The following CTNNA2 variants were observed in gnomAD, a reference collection of about 807,000 sequenced individuals.
The protein encoded by CTNNA2 is catenin alpha-2.
CTNNA2 carries 42 observed loss-of-function variants against 101.0 expected under a neutral mutation model. The ratio of observed to expected loss-of-function variants is 0.42; its 90% CI spans 0.32 to 0.54. The LOEUF (loss-of-function observed/expected upper bound fraction) is 0.54. CTNNA2 is among the 20% of genes least tolerant of loss of function. The probability of loss-of-function intolerance (pLI) is 0.14; values close to 1 mark genes in which losing one functional copy is unlikely to be tolerated. For synonymous variants in CTNNA2, 450 were observed against 456.4 expected, an observed-to-expected ratio of 0.99 and a Z score of 0.18; for missense variants, 871 against 1,223.1, an observed-to-expected ratio of 0.71 and a Z score of 4.29.
At chr2:80,604,261 C>G in intron 16 of CTNNA2, 82 bp downstream of exon 16, 1 of 989,096 alleles carries the variant, frequency 1.0e-6, no homozygotes. Flanking sequence ...TTTATGCACC[C>G]TATAAAATGC....
intron 7 of CTNNA2, among the ~76,000 whole-genome samples, chr2:80,239,942 A>T (rs921413954): frequency 2.0e-5 from 3 of 152,128 alleles, no homozygotes; most frequent in African/African-American, 7.2e-5. Flanking sequence ...AAAACAAAAC[A>T]AAACAAAGTC....
intron 2 of CTNNA2, among the ~76,000 whole-genome samples, chr2:79,267,564 C>T (rs995279188): frequency 3.9e-5 from 6 of 152,086 alleles, no homozygotes; most frequent in Non-Finnish European, 7.4e-5. Context: ...AACATTCAGA[C>T]CATAGTAGAT....
At chr2:79,880,866 G>T (rs975887100) in intron 6 of CTNNA2, among the ~76,000 whole-genome samples, 2 of 151,850 alleles carry the variant, frequency 1.3e-5, no homozygotes, top group African/African-American at 4.8e-5. Context: ...GCTAGCTATT[G>T]GATTAGTTTG....
chr2:79,963,472 T>A (rs1463699726), intron 7 of CTNNA2, among the ~76,000 whole-genome samples: 3 of 152,202 alleles, frequency 2.0e-5, no homozygotes, highest in African/African-American at 7.2e-5. Context: ...GAGAGCTTTC[T>A]TTCTGAAACC....
intron 3 of CTNNA2, among the ~76,000 whole-genome samples, chr2:79,835,272 A>G (rs1679236215): frequency 6.6e-6 from 1 of 152,174 alleles, no homozygotes; most frequent in South Asian, 2.1e-4. Context: ...AAACTTTTGT[A>G]TACTGAGTCC....
At chr2:79,836,304 C>A (rs1679361333) in intron 3 of CTNNA2, among the ~76,000 whole-genome samples, 1 of 152,154 alleles carries the variant, frequency 6.6e-6, no homozygotes, top group Non-Finnish European at 1.5e-5. Flanking sequence ...GATGACTAAA[C>A]TTTTACTTTG....
chr2:80,064,259 G>T (rs574377268), intron 7 of CTNNA2, among the ~76,000 whole-genome samples: 2 of 152,274 alleles, frequency 1.3e-5, no homozygotes, highest in Admixed American at 6.5e-5. Context: ...TGTTCAAAAT[G>T]ATGGATTCCT....
intron 8 of CTNNA2, among the ~76,000 whole-genome samples, chr2:80,412,420 C>T (rs551604112): frequency 6.6e-6 from 1 of 152,302 alleles, no homozygotes; most frequent in Non-Finnish European, 1.5e-5. Flanking sequence ...TTCTTACACA[C>T]AGCCCATGGC....
chr2:79,993,035 C>A (rs1047186386), intron 7 of CTNNA2, among the ~76,000 whole-genome samples: 1 of 152,100 alleles, frequency 6.6e-6, no homozygotes, highest in African/African-American at 2.4e-5. Flanking sequence ...TCCCCATCTA[C>A]CAAGAACCAT....
At chr2:79,866,794 C>A (rs1682137906) in intron 4 of CTNNA2, among the ~76,000 whole-genome samples, 1 of 152,104 alleles carries the variant, frequency 6.6e-6, no homozygotes, top group Non-Finnish European at 1.5e-5. Context: ...TATGATTTTG[C>A]TAATATGTAT....
chr2:80,218,964 TA>T (rs1035177601), intron 7 of CTNNA2, among the ~76,000 whole-genome samples: 2 of 152,192 alleles, frequency 1.3e-5, no homozygotes, highest in African/African-American at 4.8e-5. Flanking sequence ...TAATGTTATG[TA>T]GAATCACATG....
intron 18 of CTNNA2, among the ~76,000 whole-genome samples, chr2:80,633,246 GTA>G (rs1396109797): frequency 2.0e-5 from 3 of 152,104 alleles, no homozygotes; most frequent in African/African-American, 7.2e-5. Flanking sequence ...TAAATAAGTG[GTA>G]TATAACGTTT....
chr2:80,434,337 G>T (rs1377138897), intron 9 of CTNNA2, among the ~76,000 whole-genome samples: 1 of 152,148 alleles, frequency 6.6e-6, no homozygotes, highest in Non-Finnish European at 1.5e-5. Context: ...TAATTTTGCA[G>T]AAACTTAATG....
chr2:80,555,070 T>C (rs1692904474), intron 11 of CTNNA2, among the ~76,000 whole-genome samples: 1 of 152,210 alleles, frequency 6.6e-6, no homozygotes. Context: ...TGTATTTTAA[T>C]TGTGGGAAAC....
At chr2:79,609,952 G>A (rs546535404) in intron 1 of CTNNA2, among the ~76,000 whole-genome samples, 34 of 152,012 alleles carry the variant, frequency 2.2e-4, no homozygotes, top group African/African-American at 5.5e-4. Context: ...AAAATCTTTC[G>A]TTTTTTTGAA....
At chr2:79,576,020 A>G (rs945460104) in intron 1 of CTNNA2, among the ~76,000 whole-genome samples, 1 of 152,174 alleles carries the variant, frequency 6.6e-6, no homozygotes, top group Non-Finnish European at 1.5e-5. Flanking sequence ...AGGTATCTGG[A>G]CTATTTCACC....
intron 4 of CTNNA2, among the ~76,000 whole-genome samples, chr2:79,496,881 G>A (rs1251330280): frequency 6.6e-6 from 1 of 152,050 alleles, no homozygotes. Context: ...TAAAACTGTA[G>A]GAACTGCTGA....
At chr2:80,346,881 A>T (rs937371805) in intron 7 of CTNNA2, among the ~76,000 whole-genome samples, 9 of 152,208 alleles carry the variant, frequency 5.9e-5, no homozygotes, top group African/African-American at 2.2e-4. Context: ...AAAATGGCAC[A>T]TTTGTTGCTG....
intron 2 of CTNNA2, among the ~76,000 whole-genome samples, chr2:79,660,991 G>T (rs1384124237): frequency 2.6e-5 from 4 of 152,166 alleles, no homozygotes; most frequent in South Asian, 2.1e-4. Context: ...CTTGATGGAT[G>T]ATACTGTTTT....
Sources: gnomAD v4.1 joint callset for allele counts (sites outside exome capture counted in the v4.1 genomes callset) on GRCh38, gnomAD v4.1.1 for gene constraint, MANE v1.5 for transcripts, NCBI Gene and HGNC (gene_info 2026-07-23, HGNC 2026-07-21) for gene names.